The following ADAM10 variants were observed in gnomAD, a reference collection of about 807,000 sequenced individuals.
ADAM10 encodes the protein disintegrin and metalloproteinase domain-containing protein 10.
ADAM10 carries 17 observed loss-of-function variants against 90.1 expected under a neutral mutation model. That is an observed-to-expected ratio of 0.19 (90% CI 0.13 to 0.28). The LOEUF is 0.28. Among genes scored for constraint, ADAM10 ranks in the 10% least tolerant of loss-of-function variants. ADAM10 has a pLI of 1.00. For synonymous variants in ADAM10, 310 were observed against 298.6 expected (o/e 1.04, Z -0.40); for missense variants, 610 against 914.3 (o/e 0.67, Z 4.29).
intron 4 of ADAM10, among the ~76,000 whole-genome samples, chr15:58,671,641 C>T (rs1483443336): frequency 6.6e-6 from 1 of 152,116 alleles, no homozygotes. Flanking sequence ...TAGGAGTCCG[C>T]GGCAGGAGGA....
At chr15:58,623,047 G>C (rs1895833918) in intron 10 of ADAM10, among the ~76,000 whole-genome samples, 1 of 152,078 alleles carries the variant, frequency 6.6e-6, no homozygotes, top group South Asian at 2.1e-4. Context: ...GTTGCGAATT[G>C]AATAAGTAGA....
chr15:58,656,812 A>G (rs1379154179), intron 5 of ADAM10, among the ~76,000 whole-genome samples: 1 of 152,098 alleles, frequency 6.6e-6, no homozygotes, highest in Non-Finnish European at 1.5e-5. Flanking sequence ...ATAATTTCTT[A>G]TTGCTCATTC....
chr15:58,725,975 C>T (rs1225652327), intron 1 of ADAM10, among the ~76,000 whole-genome samples: 1 of 151,906 alleles, frequency 6.6e-6, no homozygotes, highest in South Asian at 2.1e-4. Context: ...TACACTGATG[C>T]AAATAATAAA....
At position 58,611,061 on chromosome 15, in the gene ADAM10, G is replaced by A; in HGVS notation, c.1742C>T (p.Thr581Met). 1.2e-6 allele frequency: 2 copies of A among 1,613,712 alleles called. No homozygotes were observed. Among genetic ancestry groups the A allele is most frequent in the Non-Finnish European group, 1.7e-6 (2 of 1,179,754 alleles). The change falls in exon 13 of 16, where the codon ACG becomes ATG. Residue 581 changes from threonine to methionine, a missense_variant. Around this residue, in one of 4 missense-constraint regions of ADAM10, gnomAD observed 150 missense variants for 268.5 expected, o/e 0.56. Coordinates refer to ENST00000260408, the MANE Select transcript of ADAM10 (RefSeq NM_001110.4). The stretch of plus-strand genomic sequence containing the variant: ...ATCTTTGCCATCAGAACTGGCACAC[G>A]TACACTCCTCTAAGCCATATTTCTC... ...ICEKYGLEEC[T>M]CASSDGKDDK...
intron 4 of ADAM10, among the ~76,000 whole-genome samples, chr15:58,677,204 T>G (rs1486184883): frequency 6.6e-6 from 1 of 152,218 alleles, no homozygotes; most frequent in Non-Finnish European, 1.5e-5. Flanking sequence ...CCTGAGAAGC[T>G]ACAAATAAAA....
At chr15:58,638,488 G>C (rs554291213) in intron 8 of ADAM10, among the ~76,000 whole-genome samples, 1 of 151,730 alleles carries the variant, frequency 6.6e-6, no homozygotes, top group African/African-American at 2.4e-5. Context: ...GGTGGCGGGC[G>C]CCTGTAGACC....
In ADAM10 at chr15:58,593,047, A is replaced by AT. The variant is rs1894858395; in HGVS notation, c.*4499dup. 6.7e-6 allele frequency: 1 copy of AT among 150,180 alleles called. No individual in the cohort carries two copies. The highest frequency in any genetic ancestry group is 2.4e-5 in the African/African-American group (1 of 41,088). 9.3% of individuals were successfully genotyped at this position (150,180 alleles called of 1,614,324 possible). The stretch of plus-strand genomic sequence containing the variant: ...ATTTAGAGTAGTTAATGTGATATAC[A>AT]TTATCAATGTACCATTAAATGAGAA... On this transcript the variant is annotated 3_prime_UTR_variant, in exon 16 of 16. Transcript: ENST00000260408.
intron 2 of ADAM10, among the ~76,000 whole-genome samples, chr15:58,715,405 ACT>A (rs1215760129): frequency 1.4e-5 from 2 of 145,120 alleles, no homozygotes; most frequent in Admixed American, 7.1e-5. Context: ...ACAGAGCAAG[ACT>A]CTGTCTCAAA....
At chr15:58,747,649 TTG>T (rs1335647542) in intron 1 of ADAM10, 2 of 152,154 alleles carry the variant, frequency 1.3e-5, no homozygotes, top group East Asian at 1.9e-4. Flanking sequence ...CTAATAAAAC[TTG>T]TCTTATGTTT....
chr15:58,679,345 T>C, intron 3 of ADAM10, 63 bp from the exon 4 acceptor site: 3 of 1,361,164 alleles, frequency 2.2e-6, no homozygotes, highest in Admixed American at 1.7e-5. Flanking sequence ...AATTCATTCA[T>C]ATATATGTAT....
intron 1 of ADAM10, among the ~76,000 whole-genome samples, chr15:58,723,204 T>G (rs780453107): frequency 5.3e-5 from 8 of 152,098 alleles, no homozygotes; most frequent in Admixed American, 3.9e-4. Flanking sequence ...AGCCCTCAGA[T>G]GCCACACAAT....
At position 58,749,419 on chromosome 15, in the gene ADAM10, T is replaced by C. The variant is rs2140859713; in HGVS notation, c.55+61A>G. 4.7e-6 allele frequency: 7 copies of C among 1,480,418 alleles called. No individual in the cohort carries two copies. The South Asian group carries it at 7.8e-5, about 16-fold the overall frequency. 91.7% of individuals were successfully genotyped at this position (1,480,418 alleles called of 1,614,324 possible). Reference sequence around the variant, plus strand: ...GCCGCGAGGCGCGACTGGGCTCCGCTCGGCCCGGCCGCCGCTCCGCCGTGG... The same window carrying C: ...GCCGCGAGGCGCGACTGGGCTCCGCCCGGCCCGGCCGCCGCTCCGCCGTGG... On this transcript the variant is annotated intron_variant, in intron 1 of 15. Coordinates refer to ENST00000260408, the MANE Select transcript of ADAM10 (RefSeq NM_001110.4).
chr15:58,599,766 C>T (rs775469202), intron 14 of ADAM10, 42 bp from the exon 15 acceptor site: 1 of 1,564,134 alleles, frequency 6.4e-7, no homozygotes, highest in South Asian at 1.1e-5. Context: ...AAAAAAACTA[C>T]AAAATATTTT....
intron 11 of ADAM10, among the ~76,000 whole-genome samples, chr15:58,616,036 A>C (rs1486125270): frequency 1.3e-5 from 2 of 152,102 alleles, no homozygotes; most frequent in African/African-American, 4.8e-5. Flanking sequence ...AGAGACAAAA[A>C]AGATCACTAT....
chr15:58,748,841 C>T (rs1899878215), intron 1 of ADAM10: 1 of 398,264 alleles, frequency 2.5e-6, no homozygotes, highest in South Asian at 1.3e-4. Context: ...AGAACCGAGG[C>T]CACTAGTCTC....
rs574637787 is a variant in ADAM10 at position 58,743,643 on chromosome 15, C to T, written c.55+5837G>A. Among the ~76,000 whole-genome samples the T allele has an allele frequency of 3.2e-4, 49 of 150,952 alleles. 1 individual carries two copies. The highest frequency in any genetic ancestry group is 3.4e-3 in the Middle Eastern group (1 of 294). ...TTTTGAGACGGAGTTTCACTCTTGTCGCCCAGGCTAGAGTGCAGTGGTGCG... is the reference window on the plus strand; with the variant it reads ...TTTTGAGACGGAGTTTCACTCTTGTTGCCCAGGCTAGAGTGCAGTGGTGCG... On this transcript the variant is annotated intron_variant, in intron 1 of 15. Transcript: ENST00000260408.
Position 58,714,129 on chromosome 15 carries a change from G to A in ADAM10, c.206+3448C>T, listed in dbSNP as rs146959615. ...ATAGAATTCTTAAGAATGGACTTTT[G>A]GTTTGGAAAAATATAAACGTTTCTT... On this transcript the variant is annotated intron_variant, in intron 2 of 15. Coordinates refer to ENST00000260408, the MANE Select transcript of ADAM10 (RefSeq NM_001110.4). Among the ~76,000 whole-genome samples, 222 of 151,982 alleles carry A rather than the reference G, an allele frequency of 1.5e-3. 1 individual carries two copies. The highest frequency in any genetic ancestry group is 5.0e-3 in the African/African-American group (206 of 41,480).
intron 2 of ADAM10, among the ~76,000 whole-genome samples, chr15:58,684,645 GA>G (rs1363000852): frequency 2.4e-4 from 37 of 152,334 alleles, no homozygotes; most frequent in African/African-American, 8.2e-4. Flanking sequence ...CCACTTAGGT[GA>G]TCATGAGTTG....
intron 8 of ADAM10, among the ~76,000 whole-genome samples, chr15:58,638,048 T>C (rs544500651): frequency 4.3e-4 from 66 of 152,246 alleles, no homozygotes; most frequent in African/African-American, 1.3e-3. Context: ...CTCGAAAAAG[T>C]TGGACCAAAG....
Sources: gnomAD v4.1 joint callset for allele counts (sites outside exome capture counted in the v4.1 genomes callset) on GRCh38, gnomAD v4.1.1 for gene constraint, gnomAD v4.1.1 regional missense constraint, MANE v1.5 for transcripts, NCBI Gene and HGNC (gene_info 2026-07-23, HGNC 2026-07-21) for gene names.